UTRN: variants seen among roughly 807,000 people sequenced by gnomAD.
UTRN encodes utrophin, also known as dystrophin-related protein 1.
A neutral mutation model predicts 463.9 loss-of-function variants in UTRN; 283 were observed. The observed-to-expected ratio is 0.61, with a 90% CI of 0.55 to 0.67. The LOEUF is 0.67. UTRN is among the 30% of genes least tolerant of loss of function. The pLI, the probability that UTRN is intolerant of heterozygous loss-of-function variation, is 0.00. For missense variants in UTRN, 3,922 were observed against 4,084.3 expected, an observed-to-expected ratio of 0.96 and a Z score of 1.08; for synonymous variants, 1,442 against 1,431.5, an observed-to-expected ratio of 1.01 and a Z score of -0.17.
intron 2 of UTRN, among the ~76,000 whole-genome samples, chr6:144,374,829 C>T (rs960505342): frequency 6.6e-6 from 1 of 151,098 alleles, no homozygotes; most frequent in East Asian, 2.0e-4. Flanking sequence ...GCCTGTAATC[C>T]CAGGTACTTG....
chr6:144,764,807 A>C (rs990964966), intron 58 of UTRN, among the ~76,000 whole-genome samples: 1 of 152,238 alleles, frequency 6.6e-6, no homozygotes, highest in South Asian at 2.1e-4. Context: ...ACATAAAAGA[A>C]AGAGATAAAG....
At chr6:144,604,751 T>TA (rs551983348) in intron 51 of UTRN, among the ~76,000 whole-genome samples, 296 of 151,760 alleles carry the variant, frequency 2.0e-3, no homozygotes, top group African/African-American at 6.7e-3. Flanking sequence ...CGATCTCTAC[T>TA]AAAAAATACA....
chr6:144,693,505 G>C (rs2128693778), intron 52 of UTRN, among the ~76,000 whole-genome samples: 1 of 152,242 alleles, frequency 6.6e-6, no homozygotes, highest in East Asian at 1.9e-4. Flanking sequence ...TAATGATATT[G>C]ATCCCTCCTA....
At chr6:144,326,857 G>C (rs566033457) in intron 2 of UTRN, among the ~76,000 whole-genome samples, 21 of 152,244 alleles carry the variant, frequency 1.4e-4, no homozygotes, top group Non-Finnish European at 2.4e-4. Flanking sequence ...CACTCAAGGA[G>C]GGAGAAAATG....
At chr6:144,402,959 C>T (rs553345143) in intron 2 of UTRN, among the ~76,000 whole-genome samples, 164 bp from the exon 3 acceptor site, 7 of 152,162 alleles carry the variant, frequency 4.6e-5, no homozygotes, top group South Asian at 2.1e-4. Flanking sequence ...ATAAGTGTAC[C>T]GGGCAGTCAT....
chr6:144,375,734 C>T (rs6929328), intron 2 of UTRN, among the ~76,000 whole-genome samples: 12,162 of 152,126 alleles, frequency 0.08, 1,626 homozygotes, highest in African/African-American at 0.28. Context: ...TGGAATCTAG[C>T]CTTGCCCTGC....
chr6:144,679,163 G>T (rs1421807372), intron 52 of UTRN, among the ~76,000 whole-genome samples: 1 of 152,084 alleles, frequency 6.6e-6, no homozygotes, highest in Non-Finnish European at 1.5e-5. Flanking sequence ...GAAAATTGAT[G>T]ATTCATGTCT....
chr6:144,519,036 T>C, intron 39 of UTRN, among the ~76,000 whole-genome samples: 1 of 152,146 alleles, frequency 6.6e-6, no homozygotes, highest in Admixed American at 6.5e-5. Context: ...AATGTACAAT[T>C]AGGATTGAGA....
chr6:144,315,754 T>A (rs1775242590), intron 2 of UTRN, among the ~76,000 whole-genome samples: 1 of 152,242 alleles, frequency 6.6e-6, no homozygotes. Context: ...CGTGCCTTTA[T>A]GCAGTGGACA....
chr6:144,770,548 C>T (rs1234502566), intron 58 of UTRN, among the ~76,000 whole-genome samples: 1 of 152,082 alleles, frequency 6.6e-6, no homozygotes, highest in African/African-American at 2.4e-5. Context: ...CTACCCTGAC[C>T]TAGATAAGGG....
chr6:144,287,059 A>G (rs1484234655), intron 1 of UTRN, among the ~76,000 whole-genome samples: 3 of 151,958 alleles, frequency 2.0e-5, no homozygotes, highest in Admixed American at 2.0e-4. Flanking sequence ...GACCGCATCC[A>G]TTCCTTTGTA....
intron 50 of UTRN, among the ~76,000 whole-genome samples, chr6:144,561,234 TATATATATATATATATATATATATATAC>T (rs1432047788): frequency 1.2e-4 from 10 of 84,602 alleles, no homozygotes; most frequent in Admixed American, 3.4e-4. Context: ...TATATATATA[TATATATATATATATATATATATATATAC>T]ATACACACAC....
chr6:144,720,413 C>T (rs1205442503), intron 53 of UTRN, among the ~76,000 whole-genome samples: 3 of 152,174 alleles, frequency 2.0e-5, no homozygotes, highest in African/African-American at 7.2e-5. Context: ...TGCTCAGAGG[C>T]ACACCAGTAG....
At chr6:144,596,711 C>G (rs1562625571) in intron 51 of UTRN, among the ~76,000 whole-genome samples, 1 of 152,022 alleles carries the variant, frequency 6.6e-6, no homozygotes, top group Non-Finnish European at 1.5e-5. Context: ...GCTGTTGAGT[C>G]TGGTTGTCAG....
intron 53 of UTRN, among the ~76,000 whole-genome samples, chr6:144,715,173 A>T (rs1294913548): frequency 6.6e-6 from 1 of 152,166 alleles, no homozygotes. Flanking sequence ...ATTGGCCCCT[A>T]TAACATGTTC....
At chr6:144,589,095 A>C (rs996894065) in intron 51 of UTRN, among the ~76,000 whole-genome samples, 1 of 152,266 alleles carries the variant, frequency 6.6e-6, no homozygotes, top group Non-Finnish European at 1.5e-5. Context: ...TAATAGGCTT[A>C]TGTGAAAGTA....
At chr6:144,664,781 A>C (rs1049112304) in intron 51 of UTRN, among the ~76,000 whole-genome samples, 29 of 151,766 alleles carry the variant, frequency 1.9e-4, no homozygotes, top group African/African-American at 6.0e-4. Context: ...GACAATTACT[A>C]TCCCAGAAAC....
intron 2 of UTRN, among the ~76,000 whole-genome samples, chr6:144,331,199 A>T (rs544996539): frequency 1.3e-5 from 2 of 152,342 alleles, no homozygotes; most frequent in East Asian, 3.9e-4. Context: ...AAATAATGTC[A>T]TGAAATAAGA....
At chr6:144,727,778 A>G (rs9497060) in intron 53 of UTRN, among the ~76,000 whole-genome samples, 5,248 of 151,734 alleles carry the variant, frequency 0.035, 313 homozygotes, top group African/African-American at 0.12. Flanking sequence ...AAACAAAACA[A>G]ACAAACAAAA....
Sources: gnomAD v4.1 joint callset for allele counts (sites outside exome capture counted in the v4.1 genomes callset) on GRCh38, gnomAD v4.1.1 for gene constraint, MANE v1.5 for transcripts, NCBI Gene and HGNC (gene_info 2026-07-23, HGNC 2026-07-21) for gene names.